Variants in TGFBR2 observed in about 807,000 individuals in gnomAD.
TGFBR2 encodes the protein transforming growth factor beta receptor 2, also known as TGF-beta receptor type-2.
In TGFBR2, 18 loss-of-function variants were observed where a neutral mutation model predicts 49.0. The ratio of observed to expected loss-of-function variants is 0.37; its 90% CI spans 0.25 to 0.54. TGFBR2 has a LOEUF of 0.54. Ranked by LOEUF, TGFBR2 falls within the 20% of genes least tolerant of loss-of-function variation. TGFBR2 has a pLI of 0.85. For synonymous variants in TGFBR2, 282 were observed against 275.9 expected (o/e 1.02, Z -0.22); for missense variants, 525 against 722.6 (o/e 0.73, Z 3.13).
chr3:30,608,325 T>A (rs570395681), intron 1 of TGFBR2, among the ~76,000 whole-genome samples: 139 of 152,270 alleles, frequency 9.1e-4, no homozygotes, highest in Non-Finnish European at 1.5e-3. Context: ...GTCATAGAGC[T>A]TTTTCTGGGC....
In TGFBR2 at chr3:30,671,927, C is replaced by G. The variant is rs1237286491; in HGVS notation, c.744C>G (p.Thr248=). Residue 248 remains threonine (T), a synonymous_variant, in exon 4 of 7, where the codon ACC becomes ACG. Coordinates refer to ENST00000295754, the MANE Select transcript of TGFBR2 (RefSeq NM_003242.6). ...AGCTGCTGCCCATTGAGCTGGACAC[C>G]CTGGTGGGGAAAGGTCGCTTTGCTG... ...NTELLPIELD[T]LVGKGRFAEV... is the part of the protein sequence containing the mutation. The G allele has an allele frequency of 5.0e-6, 8 of 1,614,012 alleles. No homozygotes were observed. Among genetic ancestry groups the G allele is most frequent in the East Asian group, 4.5e-5 (2 of 44,894 alleles).
chr3:30,636,744 G>GT (rs1197329558), intron 1 of TGFBR2, among the ~76,000 whole-genome samples: 1 of 151,742 alleles, frequency 6.6e-6, no homozygotes, highest in East Asian at 1.9e-4. Context: ...GTGTGTGTGT[G>GT]TGTGTGTGTG....
chr3:30,680,940 C>T (rs2125445456), intron 5 of TGFBR2, among the ~76,000 whole-genome samples: 1 of 152,002 alleles, frequency 6.6e-6, no homozygotes, highest in East Asian at 1.9e-4. Flanking sequence ...TGAAGGCGGT[C>T]CTGTTCAGGG....
At position 30,691,636 on chromosome 3, in the gene TGFBR2, T is replaced by TGC. The variant is rs1157368447; in HGVS notation, c.*38_*39dup. 1 of 1,613,042 alleles carries TGC rather than the reference T, an allele frequency of 6.2e-7. No homozygotes were observed. Among genetic ancestry groups the TGC allele is most frequent in the Non-Finnish European group, 8.5e-7 (1 of 1,179,174 alleles). On this transcript the variant is annotated 3_prime_UTR_variant, in exon 7 of 7. Transcript: ENST00000295754. ...CAGGCTGGGCCATGTCCAAAGAGGC[T>TGC]GCCCCTCTCACCAAAGAACAGAGGC...
intron 1 of TGFBR2, among the ~76,000 whole-genome samples, chr3:30,636,874 C>CT (rs779422307): frequency 6.6e-6 from 1 of 151,902 alleles, no homozygotes; most frequent in Non-Finnish European, 1.5e-5. Context: ...ACCATCCTGG[C>CT]TAACACGGTG....
chr3:30,654,440 C>T (rs1194621100), intron 3 of TGFBR2, among the ~76,000 whole-genome samples: 1 of 152,152 alleles, frequency 6.6e-6, no homozygotes, highest in Non-Finnish European at 1.5e-5. Flanking sequence ...CCTACAGTGA[C>T]CAAGGGCAGG....
At chr3:30,615,274 AC>A (rs1391860497) in intron 1 of TGFBR2, among the ~76,000 whole-genome samples, 3,336 of 152,226 alleles carry the variant, frequency 0.022, 131 homozygotes, top group African/African-American at 0.076. Context: ...GGCTACCTAT[AC>A]CCTGGTATAG....
At chr3:30,690,212 G>GCACACTCTATTTCCA (rs1398123467) in intron 6 of TGFBR2, among the ~76,000 whole-genome samples, 1 of 152,202 alleles carries the variant, frequency 6.6e-6, no homozygotes, top group Non-Finnish European at 1.5e-5. Flanking sequence ...ATTGGGAGGA[G>GCACACTCTATTTCCA]CACACTCTAT....
chr3:30,640,714 T>G (rs922618894), intron 1 of TGFBR2, among the ~76,000 whole-genome samples: 1 of 152,172 alleles, frequency 6.6e-6, no homozygotes, highest in Non-Finnish European at 1.5e-5. Flanking sequence ...AACCCACAGA[T>G]ACAGAAGGCT....
intron 1 of TGFBR2, among the ~76,000 whole-genome samples, chr3:30,636,431 C>T (rs887278739): frequency 2.6e-5 from 4 of 152,118 alleles, no homozygotes; most frequent in African/African-American, 7.2e-5. Flanking sequence ...GGTATTGTTT[C>T]TCCACTTCTG....
intron 1 of TGFBR2, among the ~76,000 whole-genome samples, chr3:30,616,223 A>G (rs1387536141): frequency 6.6e-6 from 1 of 152,132 alleles, no homozygotes; most frequent in Non-Finnish European, 1.5e-5. Context: ...AATAAATGTT[A>G]AAAAATGCCT....
At chr3:30,636,195 G>C (rs1367924839) in intron 1 of TGFBR2, among the ~76,000 whole-genome samples, 1 of 140,840 alleles carries the variant, frequency 7.1e-6, no homozygotes, top group African/African-American at 2.7e-5. Flanking sequence ...GTGTGTGTGT[G>C]TGTGTATAGT....
In TGFBR2 at chr3:30,648,037, G is replaced by A. The variant is rs537744197; in HGVS notation, c.264-2233G>A. ...AGTGGAAATTGACAACCTCTTCAGT[G>A]GCTCAGAGCAAATGTTGCAGGACAA... On this transcript the variant is annotated intron_variant, in intron 2 of 6. Transcript: ENST00000295754. 1.2e-4 allele frequency among the ~76,000 whole-genome samples: 18 copies of A among 152,214 alleles called. No individual in the cohort carries two copies. In the South Asian group the frequency reaches 3.5e-3, roughly 30 times the overall value.
intron 2 of TGFBR2, among the ~76,000 whole-genome samples, chr3:30,647,730 G>T (rs546293716): frequency 1.3e-5 from 2 of 152,192 alleles, no homozygotes; most frequent in African/African-American, 4.8e-5. Context: ...AGGCTGGAGT[G>T]CAATGGCGTG....
At position 30,679,366 on chromosome 3, in the gene TGFBR2, C is replaced by T. The variant is rs550422022; in HGVS notation, c.1396+5120C>T. Among the ~76,000 whole-genome samples, 9 of 152,146 alleles carry T rather than the reference C, an allele frequency of 5.9e-5. No homozygotes were observed. In the East Asian group the frequency reaches 9.7e-4, roughly 16 times the overall value. On this transcript the variant is annotated intron_variant, in intron 5 of 6. Transcript: ENST00000295754. Reference sequence around the variant, plus strand: ...AGTCTCCCCTGAATGCAGGGGAGCACAGGGAAAACAGAGAAAGAACAGCAC... The same window carrying T: ...AGTCTCCCCTGAATGCAGGGGAGCATAGGGAAAACAGAGAAAGAACAGCAC...
At position 30,644,740 on chromosome 3, in the gene TGFBR2, T is replaced by G. The variant is rs764533083; in HGVS notation, c.95-7T>G. On this transcript the variant is annotated splice_polypyrimidine_tract_variant and splice_region_variant and intron_variant, in intron 1 of 6. Coordinates refer to ENST00000295754, the MANE Select transcript of TGFBR2 (RefSeq NM_003242.6). ...TAATCATTTAATATATCTTTCTCTC[T>G]CCTCAGTTAATAACGACATGATAGT... The G allele has an allele frequency of 1.9e-6, 3 of 1,613,852 alleles. No individual in the cohort carries two copies. The South Asian group carries it at 3.3e-5, about 18-fold the overall frequency.
At chr3:30,678,571 G>T (rs1476139996) in intron 5 of TGFBR2, among the ~76,000 whole-genome samples, 1 of 129,092 alleles carries the variant, frequency 7.7e-6, no homozygotes, top group African/African-American at 2.8e-5. Context: ...AAAAAAAAGA[G>T]GTATGGTCCA....
chr3:30,678,425 G>T (rs1429051415), intron 5 of TGFBR2, among the ~76,000 whole-genome samples: 1 of 151,900 alleles, frequency 6.6e-6, no homozygotes, highest in African/African-American at 2.4e-5. Flanking sequence ...GCAGGCGCCT[G>T]TAGTCCCAGC....
intron 1 of TGFBR2, among the ~76,000 whole-genome samples, chr3:30,632,136 T>C (rs1282654828): frequency 6.6e-6 from 1 of 152,212 alleles, no homozygotes; most frequent in African/African-American, 2.4e-5. Context: ...GCAGTTTTAT[T>C]TCCTTGAAAA....
Sources: gnomAD v4.1 joint callset for allele counts (sites outside exome capture counted in the v4.1 genomes callset) on GRCh38, gnomAD v4.1.1 for gene constraint, MANE v1.5 for transcripts, NCBI Gene and HGNC (gene_info 2026-07-23, HGNC 2026-07-21) for gene names.